The following PKD2L2 variants were observed in gnomAD, a reference collection of about 807,000 sequenced individuals.
PKD2L2 encodes polycystin 2 like 2, transient receptor potential cation channel.
Under a neutral mutation model 83.9 loss-of-function variants are expected in PKD2L2, and 67 were observed. The ratio of observed to expected loss-of-function variants is 0.80; its 90% confidence interval spans 0.66 to 0.98. The LOEUF (loss-of-function observed/expected upper bound fraction) is 0.98, where lower values mean the gene tolerates loss of function less well. Ranked by LOEUF, PKD2L2 falls within the 50% of genes least tolerant of loss-of-function variation. PKD2L2 has a pLI of 0.00. For synonymous variants in PKD2L2, 223 were observed against 237.8 expected (o/e 0.94, Z 0.57); for missense variants, 632 against 717.2 (o/e 0.88, Z 1.36).
chr5:137,912,266 C>T (rs1288629907), intron 8 of PKD2L2, among the ~76,000 whole-genome samples: 1 of 152,102 alleles, frequency 6.6e-6, no homozygotes, highest in Non-Finnish European at 1.5e-5. Context: ...TTTTACATTC[C>T]CACCAACAGT....
chr5:137,921,314 T>G lies in PKD2L2; in HGVS notation c.1329-322T>G, dbSNP rs1158185572. ...AGACAGAGGTTGCAGTGAGCCGAGA[T>G]AGCACCACTGCACTCTAGCCTGGGC... On this transcript the variant is annotated intron_variant, in intron 8 of 14. Transcript: ENST00000508883. 2.0e-5 allele frequency among the ~76,000 whole-genome samples: 3 copies of G among 147,594 alleles called. No homozygotes were observed. The Admixed American group carries it at 2.1e-4, about 10-fold the overall frequency.
At chr5:137,936,938 A>G (rs1412100769) in intron 14 of PKD2L2, among the ~76,000 whole-genome samples, 2 of 152,228 alleles carry the variant, frequency 1.3e-5, no homozygotes, top group Admixed American at 1.3e-4. Context: ...ACACTGGTAC[A>G]AAGGATTTTA....
At chr5:137,925,217 G>A (rs1245340704) in intron 11 of PKD2L2, 113 bp downstream of exon 11, 12 of 683,784 alleles carry the variant, frequency 1.8e-5, no homozygotes, top group African/African-American at 1.3e-4. Context: ...AAATAGAGAT[G>A]GGGTTTCACC....
chr5:137,920,564 C>T (rs1231237957), intron 8 of PKD2L2, among the ~76,000 whole-genome samples: 1 of 151,842 alleles, frequency 6.6e-6, no homozygotes, highest in East Asian at 1.9e-4. Context: ...CGAGACCAGC[C>T]TGGACAAGAT....
intron 3 of PKD2L2, among the ~76,000 whole-genome samples, chr5:137,893,176 G>A (rs552024827): frequency 1.3e-5 from 2 of 152,216 alleles, no homozygotes; most frequent in South Asian, 4.1e-4. Flanking sequence ...ATTGTGTATA[G>A]TGAAATTTAC....
At chr5:137,926,727 A>G (rs929615431) in intron 12 of PKD2L2, among the ~76,000 whole-genome samples, 2 of 152,206 alleles carry the variant, frequency 1.3e-5, no homozygotes, top group African/African-American at 4.8e-5. Context: ...CCAGGGCTGG[A>G]AAGTACAGCT....
chr5:137,941,229 C>T (rs1761707198), intron 14 of PKD2L2, among the ~76,000 whole-genome samples: 1 of 151,880 alleles, frequency 6.6e-6, no homozygotes, highest in Non-Finnish European at 1.5e-5. Flanking sequence ...TTTTTTTAAC[C>T]ATATGTGCCA....
At chr5:137,914,100 GGC>G (rs1455846582) in intron 8 of PKD2L2, among the ~76,000 whole-genome samples, 1 of 126,472 alleles carries the variant, frequency 7.9e-6, no homozygotes, top group Non-Finnish European at 1.6e-5. Flanking sequence ...CATGTTGCCA[GGC>G]TGGTCACGAA....
intron 8 of PKD2L2, among the ~76,000 whole-genome samples, chr5:137,917,764 G>A (rs979796929): frequency 5.9e-5 from 9 of 152,130 alleles, no homozygotes; most frequent in South Asian, 4.1e-4. Context: ...CTCAGAGAGC[G>A]TATCTACTAG....
At chr5:137,928,086 A>C (rs1759524239) in intron 12 of PKD2L2, among the ~76,000 whole-genome samples, 1 of 152,244 alleles carries the variant, frequency 6.6e-6, no homozygotes, top group African/African-American at 2.4e-5. Flanking sequence ...TTCAACCATA[A>C]ATCAACAGAA....
In PKD2L2 at chr5:137,935,942, A is replaced by T. The variant is rs754301988; in HGVS notation, c.1784+33A>T. ...TATGTTCTAACCAGACTATTATGGGATATCATGACATGCGCATTAAGGACA... is the reference window on the plus strand; with the variant it reads ...TATGTTCTAACCAGACTATTATGGGTTATCATGACATGCGCATTAAGGACA... On this transcript the variant is annotated intron_variant, in intron 13 of 14. Coordinates refer to ENST00000508883, the MANE Select transcript of PKD2L2 (RefSeq NM_001300921.2). 4.4e-6 allele frequency: 5 copies of T among 1,129,774 alleles called. No individual in the cohort carries two copies. The Middle Eastern group carries it at 7.9e-4, about 178-fold the overall frequency. The allele number at this position is 1,129,774 out of a possible 1,614,324, so 70.0% of individuals were successfully genotyped here.
At chr5:137,899,377 A>G in intron 4 of PKD2L2, 139 bp from the exon 5 acceptor site, 1 of 623,922 alleles carries the variant, frequency 1.6e-6, no homozygotes, top group Admixed American at 3.0e-5. Context: ...TCGGCCTCCC[A>G]AAGTGTTGGG....
chr5:137,914,223 T>C (rs1580943031), intron 8 of PKD2L2, among the ~76,000 whole-genome samples: 1 of 151,908 alleles, frequency 6.6e-6, no homozygotes, highest in Non-Finnish European at 1.5e-5. Context: ...TTTGAATAGA[T>C]CATCATTACA....
intron 4 of PKD2L2, among the ~76,000 whole-genome samples, chr5:137,897,160 A>C (rs947243316): frequency 2.3e-4 from 35 of 151,614 alleles, no homozygotes; most frequent in African/African-American, 8.2e-4. Flanking sequence ...GGGCTCAAGC[A>C]ATCCTCCTGC....
chr5:137,910,944 T>C (rs1032249220), intron 8 of PKD2L2, among the ~76,000 whole-genome samples: 10 of 152,174 alleles, frequency 6.6e-5, no homozygotes, highest in African/African-American at 2.4e-4. Context: ...AGCCCCTTTT[T>C]CAATATTTTT....
intron 4 of PKD2L2, among the ~76,000 whole-genome samples, chr5:137,897,779 G>A (rs542430375): frequency 2.0e-3 from 305 of 152,152 alleles, no homozygotes; most frequent in Non-Finnish European, 3.2e-3. Flanking sequence ...TTTTCCTAGT[G>A]GTGTCTCTTT....
intron 5 of PKD2L2, among the ~76,000 whole-genome samples, chr5:137,901,854 G>T (rs1756985942): frequency 6.6e-6 from 1 of 152,206 alleles, no homozygotes; most frequent in South Asian, 2.1e-4. Flanking sequence ...CATTATTGAA[G>T]ATGCCATCAT....
chr5:137,920,560 C>A (rs1386275635), intron 8 of PKD2L2, among the ~76,000 whole-genome samples: 1 of 151,830 alleles, frequency 6.6e-6, no homozygotes, highest in Non-Finnish European at 1.5e-5. Context: ...AGTTCGAGAC[C>A]AGCCTGGACA....
At chr5:137,933,060 A>AC (rs1428434785) in intron 12 of PKD2L2, among the ~76,000 whole-genome samples, 4 of 151,590 alleles carry the variant, frequency 2.6e-5, no homozygotes, top group African/African-American at 7.2e-5. Flanking sequence ...CAAAAAAAAA[A>AC]AAAAAACCCA....
Sources: allele counts gnomAD v4.1 joint callset (sites outside exome capture counted in the v4.1 genomes callset), GRCh38; gene constraint gnomAD v4.1.1; transcripts MANE v1.5; gene names NCBI Gene and HGNC (gene_info 2026-07-23, HGNC 2026-07-21).